SGMS2: variants seen among roughly 807,000 people sequenced by gnomAD.
SGMS2 encodes sphingomyelin synthase 2.
Under a neutral mutation model 43.8 loss-of-function variants are expected in SGMS2, and 21 were observed. The ratio of observed to expected loss-of-function variants is 0.48; its 90% confidence interval spans 0.34 to 0.69. SGMS2 has a LOEUF of 0.69. Ranked by LOEUF, SGMS2 falls within the 30% of genes least tolerant of loss-of-function variation. The pLI is 0.01. For synonymous variants in SGMS2, 167 were observed against 160.6 expected (o/e 1.04, Z -0.30); for missense variants, 384 against 443.2 (o/e 0.87, Z 1.20).
chr4:107,902,289 C>CAA lies in SGMS2; in HGVS notation c.574-933_574-932dup, dbSNP rs34388036. ...TGGGTGAAAGAGCAAGACCCTGTCT[C>CAA]AAAAAAAAAAAAGGTCTTTCTGTAT... On this transcript the variant is annotated intron_variant, in intron 4 of 6. Coordinates refer to ENST00000690982, the MANE Select transcript of SGMS2 (RefSeq NM_001375905.1). Among the ~76,000 whole-genome samples the CAA allele has an allele frequency of 3.5e-4, 44 of 124,564 alleles. 1 individual carries two copies. The highest frequency in any genetic ancestry group is 1.1e-3 in the African/African-American group (31 of 28,622). 81.7% of individuals were successfully genotyped at this position (124,564 alleles called of 152,430 possible).
chr4:107,902,289 C>CA (rs34388036), intron 4 of SGMS2, among the ~76,000 whole-genome samples: 14,028 of 124,530 alleles, frequency 0.11, 2,046 homozygotes, highest in African/African-American at 0.33. Context: ...GACCCTGTCT[C>CA]AAAAAAAAAA....
intron 1 of SGMS2, among the ~76,000 whole-genome samples, chr4:107,836,398 G>C (rs1726176017): frequency 6.6e-6 from 1 of 152,210 alleles, no homozygotes; most frequent in Admixed American, 6.5e-5. Flanking sequence ...AGTGTCTTTT[G>C]CAAGTATGAG....
intron 1 of SGMS2, among the ~76,000 whole-genome samples, chr4:107,842,049 G>A (rs1175006199): frequency 6.6e-6 from 1 of 152,052 alleles, no homozygotes; most frequent in Non-Finnish European, 1.5e-5. Flanking sequence ...CTTGTTAAGG[G>A]TAGTCATGTA....
intron 4 of SGMS2, among the ~76,000 whole-genome samples, chr4:107,902,719 A>G (rs1731228604): frequency 6.6e-6 from 1 of 152,206 alleles, no homozygotes; most frequent in South Asian, 2.1e-4. Flanking sequence ...TATTTAAATT[A>G]TTTAATGAGT....
intron 3 of SGMS2, among the ~76,000 whole-genome samples, chr4:107,899,059 C>T (rs985268049): frequency 3.3e-5 from 5 of 152,120 alleles, no homozygotes; most frequent in Admixed American, 1.3e-4. Flanking sequence ...CAAATAAACC[C>T]TGCTTATATA....
At chr4:107,903,159 G>C (rs1244252031) in intron 4 of SGMS2, 74 bp from the exon 5 acceptor site, 2 of 1,422,880 alleles carry the variant, frequency 1.4e-6, no homozygotes, top group Non-Finnish European at 2.0e-6. Flanking sequence ...TCCTTTCTAA[G>C]AGTCACACAA....
chr4:107,870,395 T>C (rs1728476514), intron 2 of SGMS2, among the ~76,000 whole-genome samples: 1 of 152,134 alleles, frequency 6.6e-6, no homozygotes, highest in African/African-American at 2.4e-5. Context: ...AGTAGCTGAT[T>C]GGATGGTGGT....
chr4:107,901,029 AG>A (rs1303032461), intron 4 of SGMS2, among the ~76,000 whole-genome samples: 1 of 152,216 alleles, frequency 6.6e-6, no homozygotes, highest in African/African-American at 2.4e-5. Context: ...AACCCATCTT[AG>A]TAACGGATGA....
intron 2 of SGMS2, among the ~76,000 whole-genome samples, chr4:107,891,586 A>G (rs78574026): frequency 6.6e-6 from 1 of 152,156 alleles, no homozygotes; most frequent in African/African-American, 2.4e-5. Flanking sequence ...AAAGCAGAGG[A>G]TTAATAGGCA....
rs77669537 is a variant in SGMS2, at chr4:107,844,696, A to G, written c.-326-13776A>G. On this transcript the variant is annotated intron_variant, in intron 1 of 6. Coordinates refer to ENST00000690982, the MANE Select transcript of SGMS2 (RefSeq NM_001375905.1). ...TCTCCAGCCTGAGCAACAGAACAAG[A>G]TCCTGTCTCCAAAAAAATGTGTCTA... 3.5e-3 allele frequency among the ~76,000 whole-genome samples: 535 copies of G among 152,216 alleles called. 1 individual carries two copies. Among genetic ancestry groups the G allele is most frequent in the African/African-American group, 0.012 (505 of 41,546 alleles).
chr4:107,888,226 C>T (rs1578618354), intron 2 of SGMS2, among the ~76,000 whole-genome samples: 1 of 152,048 alleles, frequency 6.6e-6, no homozygotes, highest in South Asian at 2.1e-4. Flanking sequence ...TAAAATTTAA[C>T]AGGACTTGGT....
intron 2 of SGMS2, among the ~76,000 whole-genome samples, chr4:107,887,794 A>G (rs968672827): frequency 1.3e-5 from 2 of 152,224 alleles, no homozygotes; most frequent in East Asian, 1.9e-4. Flanking sequence ...TTAATTTTCC[A>G]AACAATAAGC....
intron 3 of SGMS2, among the ~76,000 whole-genome samples, chr4:107,898,694 T>C (rs1322701446): frequency 6.6e-6 from 1 of 152,106 alleles, no homozygotes; most frequent in Non-Finnish European, 1.5e-5. Flanking sequence ...ATGATGCCCA[T>C]TCAGATACCC....
chr4:107,846,008 TTAAG>T (rs1232198403), intron 1 of SGMS2, among the ~76,000 whole-genome samples: 8 of 152,304 alleles, frequency 5.3e-5, no homozygotes, highest in African/African-American at 1.9e-4. Context: ...TTTAGAAGGC[TTAAG>T]TGCTTTCGAA....
chr4:107,849,323 A>G (rs1253833825), intron 1 of SGMS2, among the ~76,000 whole-genome samples: 1 of 152,158 alleles, frequency 6.6e-6, no homozygotes, highest in African/African-American at 2.4e-5. Context: ...TGTCCAGTAC[A>G]GTAGCCACAA....
intron 1 of SGMS2, among the ~76,000 whole-genome samples, chr4:107,829,712 A>C (rs1725780573): frequency 6.6e-6 from 1 of 152,132 alleles, no homozygotes; most frequent in East Asian, 1.9e-4. Context: ...TCCTTTCACT[A>C]TACCCCATTT....
intron 2 of SGMS2, among the ~76,000 whole-genome samples, chr4:107,860,683 C>A (rs1042874018): frequency 6.6e-6 from 1 of 152,008 alleles, no homozygotes; most frequent in African/African-American, 2.4e-5. Context: ...CACCATTGCG[C>A]CTGGCTAATT....
At chr4:107,902,167 T>A (rs998141586) in intron 4 of SGMS2, among the ~76,000 whole-genome samples, 1 of 151,612 alleles carries the variant, frequency 6.6e-6, no homozygotes, top group Non-Finnish European at 1.5e-5. Flanking sequence ...ACTTACCTTC[T>A]TAATGGAAGA....
chr4:107,869,284 A>G (rs1333651988), intron 2 of SGMS2, among the ~76,000 whole-genome samples: 1 of 152,152 alleles, frequency 6.6e-6, no homozygotes, highest in East Asian at 1.9e-4. Context: ...ATCTGCTGAG[A>G]CCTGAAGCAC....
Sources: allele counts gnomAD v4.1 joint callset (sites outside exome capture counted in the v4.1 genomes callset), GRCh38; gene constraint gnomAD v4.1.1; transcripts MANE v1.5; gene names NCBI Gene and HGNC (gene_info 2026-07-23, HGNC 2026-07-21).